TTC39B: variants seen among roughly 807,000 people sequenced by gnomAD.
The protein encoded by TTC39B is tetratricopeptide repeat domain 39B, also known as tetratricopeptide repeat protein 39B.
Under a neutral mutation model 96.6 loss-of-function variants are expected in TTC39B, and 92 were observed. The observed-to-expected ratio is 0.95, with a 90% CI of 0.80 to 1.13. TTC39B has a LOEUF of 1.13. Among genes scored for constraint, TTC39B ranks in the 50% most tolerant of loss-of-function variants. The pLI, the probability that TTC39B is intolerant of heterozygous loss-of-function variation, is 0.00. For missense variants in TTC39B, 955 were observed against 809.3 expected (o/e 1.18, Z -2.18); for synonymous variants, 367 against 299.4 (o/e 1.23, Z -2.33).
At chr9:15,204,535 GAA>G (rs112921225) in intron 6 of TTC39B, among the ~76,000 whole-genome samples, 18 of 109,078 alleles carry the variant, frequency 1.7e-4, no homozygotes, top group African/African-American at 5.6e-4. Context: ...ATCTCAAAAA[GAA>G]AAAAAAAAAA....
intron 8 of TTC39B, among the ~76,000 whole-genome samples, chr9:15,195,703 G>A (rs1191595707): frequency 6.8e-6 from 1 of 147,762 alleles, no homozygotes; most frequent in Non-Finnish European, 1.5e-5. Flanking sequence ...AGTGCTAAGT[G>A]AAGCTGCAAG....
At chr9:15,241,795 T>G (rs898665499) in intron 2 of TTC39B, among the ~76,000 whole-genome samples, 3 of 146,870 alleles carry the variant, frequency 2.0e-5, no homozygotes, top group Non-Finnish European at 4.4e-5. Context: ...CAGGCTGGAG[T>G]GCAGTAGTGG....
rs72700683 is a variant in TTC39B at position 15,297,828 on chromosome 9, C to A, written c.240+9256G>T. Among the ~76,000 whole-genome samples the A allele has an allele frequency of 6.0e-3, 909 of 152,262 alleles. 22 individuals carry two copies. The highest frequency in any genetic ancestry group is 0.045 in the East Asian group (232 of 5,180). Reference sequence around the variant, plus strand: ...CCGCAGATGCACACCATGATCTCCACAATCTGACATGAAAGTCTCTGAACG... The same window carrying A: ...CCGCAGATGCACACCATGATCTCCAAAATCTGACATGAAAGTCTCTGAACG... On this transcript the variant is annotated intron_variant, in intron 1 of 19. Coordinates refer to ENST00000512701, the Ensembl canonical transcript of TTC39B.
In TTC39B at chr9:15,262,148, G is replaced by A. The variant is rs1289508455; in HGVS notation, c.275+5766C>T. On this transcript the variant is annotated intron_variant, in intron 2 of 19. Transcript: ENST00000512701. ...GAGTCTTGCTCTGTCACCCAGGCTG[G>A]AGTGCAGTGGCACAATCTCAGCTCA... 2.6e-5 allele frequency among the ~76,000 whole-genome samples: 4 copies of A among 151,846 alleles called. No homozygotes were observed. In the East Asian group the frequency reaches 7.7e-4, roughly 29 times the overall value.
intron 1 of TTC39B, among the ~76,000 whole-genome samples, chr9:15,302,926 T>G (rs960174253): frequency 6.6e-6 from 1 of 151,994 alleles, no homozygotes. Context: ...TCCCAGCACT[T>G]TGGGAGGCTG....
At chr9:15,263,724 A>ATTC (rs1823024217) in intron 2 of TTC39B, among the ~76,000 whole-genome samples, 1 of 152,166 alleles carries the variant, frequency 6.6e-6, no homozygotes, top group South Asian at 2.1e-4. Flanking sequence ...CTGCTACAAG[A>ATTC]TTCTTCGTGT....
intron 2 of TTC39B, among the ~76,000 whole-genome samples, chr9:15,265,775 G>C (rs530808787): frequency 5.9e-5 from 9 of 152,172 alleles, no homozygotes; most frequent in Non-Finnish European, 2.9e-5. Context: ...GATGTGATAA[G>C]AATGGCCCTT....
intron 2 of TTC39B, among the ~76,000 whole-genome samples, chr9:15,251,781 A>G (rs891630124): frequency 4.1e-5 from 6 of 145,578 alleles, no homozygotes; most frequent in African/African-American, 1.5e-4. Flanking sequence ...TATTTTTGAT[A>G]CTACTATTTT....
At chr9:15,256,297 C>T (rs1161064803) in intron 2 of TTC39B, among the ~76,000 whole-genome samples, 3 of 152,154 alleles carry the variant, frequency 2.0e-5, no homozygotes, top group Non-Finnish European at 2.9e-5. Flanking sequence ...CAATCTGCTG[C>T]CACTTTACTC....
At chr9:15,266,181 T>A (rs566397077) in intron 2 of TTC39B, among the ~76,000 whole-genome samples, 3 of 151,882 alleles carry the variant, frequency 2.0e-5, no homozygotes, top group Non-Finnish European at 4.4e-5. Context: ...CTGTACTACC[T>A]CCTCAATAAT....
intron 1 of TTC39B, among the ~76,000 whole-genome samples, chr9:15,287,456 G>A (rs1043327019): frequency 6.6e-6 from 1 of 152,140 alleles, no homozygotes; most frequent in Non-Finnish European, 1.5e-5. Context: ...AATGCTTTGT[G>A]GTCTTTAACA....
At chr9:15,237,441 A>C (rs1222256756) in intron 2 of TTC39B, among the ~76,000 whole-genome samples, 1 of 152,200 alleles carries the variant, frequency 6.6e-6, no homozygotes, top group Non-Finnish European at 1.5e-5. Flanking sequence ...CAAAAATGAT[A>C]AAGGTGATAT....
At chr9:15,209,385 C>T (rs1022898707) in intron 6 of TTC39B, among the ~76,000 whole-genome samples, 3 of 152,106 alleles carry the variant, frequency 2.0e-5, no homozygotes, top group African/African-American at 7.2e-5. Flanking sequence ...TAAATGTCCA[C>T]AAACCAAGCA....
rs116980872 is a variant in TTC39B at position 15,172,943 on chromosome 9, T to C, written c.1959-834A>G. Among the ~76,000 whole-genome samples, 601 of 152,274 alleles carry C rather than the reference T, an allele frequency of 3.9e-3. 7 individuals are homozygous for C. In the East Asian group the frequency reaches 0.057, roughly 15 times the overall value. The stretch of plus-strand genomic sequence containing the variant: ...TTTACCGACAGATGGAATTGAGTAT[T>C]TTCCTAAATGCCACCAATGTGGGCA... On this transcript the variant is annotated intron_variant, in intron 19 of 19. Transcript: ENST00000512701.
intron 6 of TTC39B, among the ~76,000 whole-genome samples, chr9:15,207,005 A>G (rs1041887976): frequency 6.6e-6 from 1 of 152,136 alleles, no homozygotes; most frequent in Admixed American, 6.5e-5. Flanking sequence ...TGATGGTTTT[A>G]TAAGTGTTTG....
At chr9:15,276,044 G>C (rs1383375277) in intron 1 of TTC39B, among the ~76,000 whole-genome samples, 1 of 152,186 alleles carries the variant, frequency 6.6e-6, no homozygotes, top group East Asian at 1.9e-4. Flanking sequence ...TCTGGGAGCA[G>C]GTAGTTTGCT....
intron 13 of TTC39B, 52 bp downstream of exon 13, chr9:15,189,522 A>C: frequency 6.3e-7 from 1 of 1,578,896 alleles, no homozygotes; most frequent in Admixed American, 1.7e-5. Context: ...CGACTCATGT[A>C]GGAGTCGCCA....
chr9:15,223,308 G>C (rs1372537568), intron 3 of TTC39B, among the ~76,000 whole-genome samples: 1 of 152,206 alleles, frequency 6.6e-6, no homozygotes, highest in Non-Finnish European at 1.5e-5. Context: ...CAAGTAAGGA[G>C]GCAAATGAGT....
rs1820843986 is a variant in TTC39B, at chr9:15,221,585, A to G, written c.371+4332T>C. On this transcript the variant is annotated intron_variant, in intron 3 of 19. Transcript: ENST00000512701. The stretch of plus-strand genomic sequence containing the variant: ...TTGGTCTCTTTTGTTAGAGAATGGC[A>G]TCAGAACTGAGGCCTTGGGTGCCAG... Among the ~76,000 whole-genome samples, 3 of 152,248 alleles carry G rather than the reference A, an allele frequency of 2.0e-5. No individual in the cohort carries two copies. In the South Asian group the frequency reaches 6.2e-4, roughly 32 times the overall value.
Sources: gnomAD v4.1 joint callset for allele counts (sites outside exome capture counted in the v4.1 genomes callset) on GRCh38, gnomAD v4.1.1 for gene constraint, MANE v1.5 for transcripts, NCBI Gene and HGNC (gene_info 2026-07-23, HGNC 2026-07-21) for gene names.